ZNF653: variants seen among roughly 807,000 people sequenced by gnomAD.
ZNF653 encodes 67 kDa zinc finger protein.
Under a neutral mutation model 59.9 loss-of-function variants are expected in ZNF653, and 37 were observed. The ratio of observed to expected loss-of-function variants is 0.62; its 90% CI spans 0.48 to 0.81. The LOEUF (loss-of-function observed/expected upper bound fraction) is 0.81, where lower values mean the gene tolerates loss of function less well. Ranked by LOEUF, ZNF653 falls within the 40% of genes least tolerant of loss-of-function variation. The probability of loss-of-function intolerance (pLI) is 0.00; values close to 1 mark genes in which losing one functional copy is unlikely to be tolerated. For missense variants in ZNF653, 808 were observed against 881.1 expected (o/e 0.92, Z 1.05); for synonymous variants, 435 against 371.8 (o/e 1.17, Z -1.96).
chr19:11,486,932 G>A (rs758773944), intron 5 of ZNF653, 52 bp from the exon 6 acceptor site: 2 of 1,610,204 alleles, frequency 1.2e-6, no homozygotes, highest in African/African-American at 1.3e-5. Context: ...GCAGGCTGGG[G>A]GCCTGCGGGC....
chr19:11,497,184 C>T (rs1284015450), intron 2 of ZNF653, among the ~76,000 whole-genome samples: 1 of 152,136 alleles, frequency 6.6e-6, no homozygotes, highest in Non-Finnish European at 1.5e-5. Flanking sequence ...TACCTAGATG[C>T]CATCTGTGGC....
In ZNF653 at chr19:11,487,304, C is replaced by T. The variant is rs762017188; in HGVS notation, c.1159G>A (p.Glu387Lys). ...AGGTCCCCCAGACCTTTCTTGGTCT[C>T]GATGCCTGCTACTGCGGTGGCGTCC... ...TMDATAVAGI[E>K]TKKEKEDLCL... is the part of the protein sequence containing the mutation. Residue 387 changes from glutamate to lysine, a missense_variant, in exon 4 of 9, where the codon GAG becomes AAG. Physicochemically the swap from Glu to Lys is moderately conservative, Grantham distance 56. Transcript: ENST00000293771. This position sits in a 1 kb window ranked among gnomAD's most constrained non-coding sequence, Gnocchi z 5.1. 1.1e-5 allele frequency: 18 copies of T among 1,604,742 alleles called. No homozygotes were observed. The highest frequency in any genetic ancestry group is 4.4e-5 in the South Asian group (4 of 90,918).
In ZNF653 at chr19:11,485,645, C is replaced by A; in HGVS notation, c.1570+11G>T. ...CCCCCGCTCATGCTGCCAGCTGGCCCAGGGCCTGACCTGAATGGATGATCA... is the reference window on the plus strand; with the variant it reads ...CCCCCGCTCATGCTGCCAGCTGGCCAAGGGCCTGACCTGAATGGATGATCA... On this transcript the variant is annotated intron_variant, in intron 7 of 8. Coordinates refer to ENST00000293771, the MANE Select transcript of ZNF653 (RefSeq NM_138783.4). The A allele has an allele frequency of 1.9e-6, 3 of 1,610,600 alleles. No homozygotes were observed. Among genetic ancestry groups the A allele is most frequent in the Non-Finnish European group, 2.5e-6 (3 of 1,176,934 alleles).
chr19:11,494,334 TAAC>T (rs768139330), intron 3 of ZNF653, among the ~76,000 whole-genome samples: 27 of 126,596 alleles, frequency 2.1e-4, no homozygotes, highest in African/African-American at 9.0e-4. Context: ...AAAGATAACA[TAAC>T]ATAACATAAC....
At chr19:11,486,038 C>T (rs1025748718) in intron 6 of ZNF653, among the ~76,000 whole-genome samples, 5 of 151,982 alleles carry the variant, frequency 3.3e-5, no homozygotes, top group African/African-American at 7.2e-5. Context: ...CAAGCTCCAC[C>T]CCCCCGGGTT....
intron 1 of ZNF653, among the ~76,000 whole-genome samples, chr19:11,502,929 G>A (rs1243569727): frequency 6.6e-6 from 1 of 152,098 alleles, no homozygotes; most frequent in Non-Finnish European, 1.5e-5. Context: ...AGCTACTCGG[G>A]AGGCTGAGGC....
intron 3 of ZNF653, among the ~76,000 whole-genome samples, chr19:11,492,719 G>A (rs1170487486): frequency 1.3e-5 from 2 of 152,170 alleles, no homozygotes; most frequent in Non-Finnish European, 2.9e-5. Flanking sequence ...GTAAGGTTGC[G>A]GGGTCCCGGT....
In ZNF653 at chr19:11,504,430, C is replaced by A. The variant is rs1366950677; in HGVS notation, c.299+1058G>T. On this transcript the variant is annotated intron_variant, in intron 1 of 8. Transcript: ENST00000293771. ...AAAAAGAAAAGAAAAGAAAAACGAACAAAAAAACCCCCCAGACCTTTGAAC... is the reference window on the plus strand; with the variant it reads ...AAAAAGAAAAGAAAAGAAAAACGAAAAAAAAAACCCCCCAGACCTTTGAAC... 5.4e-6 allele frequency: 4 copies of A among 737,138 alleles called. No homozygotes were observed. The East Asian group carries it at 5.2e-4, about 96-fold the overall frequency. The allele number at this position is 737,138 out of a possible 1,614,324, so 45.7% of individuals were successfully genotyped here.
intron 1 of ZNF653, among the ~76,000 whole-genome samples, chr19:11,499,667 G>A (rs111323643): frequency 0.017 from 2,520 of 150,038 alleles, 62 homozygotes; most frequent in African/African-American, 0.059. Context: ...ATCTCAGCAC[G>A]TTAGGAGGTT....
At chr19:11,497,288 G>C (rs1252541513) in intron 2 of ZNF653, among the ~76,000 whole-genome samples, 4 of 152,218 alleles carry the variant, frequency 2.6e-5, no homozygotes, top group Non-Finnish European at 5.9e-5. Context: ...TGTACCCCCA[G>C]TGCCCCCAAA....
chr19:11,498,657 T>A (rs1272702205), intron 1 of ZNF653, among the ~76,000 whole-genome samples: 6 of 152,148 alleles, frequency 3.9e-5, no homozygotes, highest in Non-Finnish European at 7.3e-5. Flanking sequence ...TTGGCCAGGC[T>A]GGTCTCGAAC....
At chr19:11,497,139 C>T (rs1038596022) in intron 2 of ZNF653, among the ~76,000 whole-genome samples, 4 of 152,330 alleles carry the variant, frequency 2.6e-5, no homozygotes, top group East Asian at 1.9e-4. Context: ...TCACTCTAGC[C>T]GACCTTAACT....
chr19:11,502,821 G>A (rs1229969509), intron 1 of ZNF653, among the ~76,000 whole-genome samples: 1 of 152,054 alleles, frequency 6.6e-6, no homozygotes, highest in Non-Finnish European at 1.5e-5. Flanking sequence ...ACCTCTTGAG[G>A]TCAGGAGTTC....
chr19:11,486,207 C>T (rs977715633), intron 6 of ZNF653, among the ~76,000 whole-genome samples: 2 of 152,202 alleles, frequency 1.3e-5, no homozygotes, highest in African/African-American at 4.8e-5. Context: ...GATCCGCCCA[C>T]CTCGGCCTCC....
Position 11,483,502 on chromosome 19 carries a change from GAGA to G in ZNF653, c.*177_*179del. ...CAATGCAGCCCCAGGCACCAGCTCC[GAGA>G]AGGATGCGGTGGGGCGGGGTGGGGA... On this transcript the variant is annotated 3_prime_UTR_variant, in exon 9 of 9. Transcript: ENST00000293771. 5.7e-6 allele frequency: 8 copies of G among 1,398,918 alleles called. No individual in the cohort carries two copies. The highest frequency in any genetic ancestry group is 7.4e-6 in the Non-Finnish European group (8 of 1,077,430). 86.7% of individuals were successfully genotyped at this position (1,398,918 alleles called of 1,614,324 possible).
chr19:11,494,457 G>A (rs1049122381), intron 3 of ZNF653, among the ~76,000 whole-genome samples: 2 of 152,152 alleles, frequency 1.3e-5, no homozygotes, highest in African/African-American at 2.4e-5. Flanking sequence ...TTGGAAGGCC[G>A]AGGTGGGTGG....
chr19:11,485,484 C>T (rs1183564565), intron 7 of ZNF653, among the ~76,000 whole-genome samples, 172 bp downstream of exon 7: 2 of 152,120 alleles, frequency 1.3e-5, no homozygotes, highest in Admixed American at 6.5e-5. Context: ...TAGTTCCTGT[C>T]GCTGTGGCTC....
intron 2 of ZNF653, among the ~76,000 whole-genome samples, chr19:11,497,701 C>A (rs1465210792): frequency 6.6e-6 from 1 of 152,152 alleles, no homozygotes; most frequent in African/African-American, 2.4e-5. Flanking sequence ...GTGTTTGGGT[C>A]TAGGGAATGT....
In ZNF653 at chr19:11,483,629, G is replaced by A. The variant is rs561116566; in HGVS notation, c.*53C>T. On this transcript the variant is annotated 3_prime_UTR_variant, in exon 9 of 9. Coordinates refer to ENST00000293771, the MANE Select transcript of ZNF653 (RefSeq NM_138783.4). The stretch of plus-strand genomic sequence containing the variant: ...CAGCTGTCCAGGCCCCGGCAAGCCC[G>A]GGCGTGGTGTCCGAGCGGACGAATA... 6 of 1,581,918 alleles carry A rather than the reference G, an allele frequency of 3.8e-6. No homozygotes were observed. Among genetic ancestry groups the A allele is most frequent in the East Asian group, 4.5e-5 (2 of 44,022 alleles).
Sources: gnomAD v4.1 joint callset for allele counts (sites outside exome capture counted in the v4.1 genomes callset) on GRCh38, gnomAD v4.1.1 for gene constraint, Gnocchi (gnomAD v3.1) non-coding constraint, MANE v1.5 for transcripts, NCBI Gene and HGNC (gene_info 2026-07-23, HGNC 2026-07-21) for gene names.